The following FSBP variants were observed in gnomAD, a reference collection of about 807,000 sequenced individuals.
FSBP encodes the protein fibrinogen silencer-binding protein.
Under a neutral mutation model 24.6 loss-of-function variants are expected in FSBP, and 18 were observed. The ratio of observed to expected loss-of-function variants is 0.73; its 90% confidence interval spans 0.51 to 1.08. The LOEUF is 1.08. Among genes scored for constraint, FSBP ranks in the 50% least tolerant of loss-of-function variants. FSBP has a pLI of 0.00. For missense variants in FSBP, 305 were observed against 347.6 expected (o/e 0.88, Z 0.98); for synonymous variants, 110 against 125.8 (o/e 0.87, Z 0.84).
In FSBP at chr8:94,432,388, C is replaced by A. The variant is rs1004566968; in HGVS notation, c.643G>T (p.Asp215Tyr). The A allele has an allele frequency of 5.9e-5, 92 of 1,550,278 alleles. No homozygotes were observed. The highest frequency in any genetic ancestry group is 7.8e-5 in the Non-Finnish European group (89 of 1,146,874). The change falls in exon 2 of 2, where the codon GAT (aspartate) becomes TAT (tyrosine). Residue 215 changes from aspartate (D) to tyrosine (Y), a missense_variant. By Grantham distance (160) the Asp-to-Tyr change is radical. Transcript: ENST00000481490. ...TCACCACTCTCATGCCGAAAAAAAT[C>A]ATCTCTCCTTGGAATAGAAGATGGA... Reference protein sequence around the residue: ...SSPSSIPRRDDFFRHESGEHF... With the variant: ...SSPSSIPRRDYFFRHESGEHF...
Position 94,429,982 on chromosome 8 carries a change from C to T in FSBP, c.*2149G>A. 1.0e-6 allele frequency: 1 copy of T among 985,352 alleles called. No homozygotes were observed. Among genetic ancestry groups the T allele is most frequent in the Non-Finnish European group, 1.2e-6 (1 of 829,932 alleles). The allele number at this position is 985,352 out of a possible 1,614,324, so 61.0% of individuals were successfully genotyped here. ...AATTAGCCCTCTAATTCAAAGCATT[C>T]AATGGCTTCTCATTGTACGTTAAGT... On this transcript the variant is annotated 3_prime_UTR_variant, in exon 2 of 2. Coordinates refer to ENST00000481490, the MANE Select transcript of FSBP (RefSeq NM_001256141.2).
chr8:94,436,569 T>G lies in FSBP; in HGVS notation c.300A>C (p.Pro100=). The change falls in exon 1 of 2, where the codon CCA becomes CCC. Residue 100 remains proline, a synonymous_variant. Transcript: ENST00000481490. The stretch of plus-strand genomic sequence containing the variant: ...GAATCATCTCCATAACTTTCTTGGT[T>G]GGCTCAGAAATATTGCTTTTAAAAT... The part of the protein sequence containing the change: ...QSDFKSNISE[P]TKKVMEMIPQ... The G allele has an allele frequency of 6.4e-7, 1 of 1,550,520 alleles. No homozygotes were observed. Among genetic ancestry groups the G allele is most frequent in the Non-Finnish European group, 8.7e-7 (1 of 1,146,920 alleles).
At position 94,429,318 on chromosome 8, in the gene FSBP, G is replaced by T; in HGVS notation, c.*2813C>A. On this transcript the variant is annotated 3_prime_UTR_variant, in exon 2 of 2. Transcript: ENST00000481490. ...CAAAGGAATTTTCAAGGGCTATTTT[G>T]TATATACATAATTTTTACCTTCCAC... 2.2e-6 allele frequency: 1 copy of T among 447,956 alleles called. No homozygotes were observed. Among genetic ancestry groups the T allele is most frequent in the Non-Finnish European group, 2.9e-6 (1 of 339,208 alleles). The allele number at this position is 447,956 out of a possible 1,614,324, so 27.7% of individuals were successfully genotyped here.
chr8:94,436,922 T>C lies in FSBP; in HGVS notation c.-54A>G. 1 of 1,460,202 alleles carries C rather than the reference T, an allele frequency of 6.8e-7. No homozygotes were observed. The highest frequency in any genetic ancestry group is 9.0e-7 in the Non-Finnish European group (1 of 1,109,214). The allele number at this position is 1,460,202 out of a possible 1,614,324, so 90.5% of individuals were successfully genotyped here. Reference sequence around the variant, plus strand: ...CTGAAACCACCATGCAGCCTTCAGCTCTGCTCAGCTCTTTTCACAAACAGA... The same window carrying C: ...CTGAAACCACCATGCAGCCTTCAGCCCTGCTCAGCTCTTTTCACAAACAGA... On this transcript the variant is annotated 5_prime_UTR_variant, in exon 1 of 2. Coordinates refer to ENST00000481490, the MANE Select transcript of FSBP (RefSeq NM_001256141.2).
chr8:94,431,913 A>T lies in FSBP; in HGVS notation c.*218T>A. On this transcript the variant is annotated 3_prime_UTR_variant, in exon 2 of 2. Transcript: ENST00000481490. ...GTAAGGTCAACAATTAAACTTAGGGAAAAAAAAAAGAAGACAATAAAAACT... is the reference window on the plus strand; with the variant it reads ...GTAAGGTCAACAATTAAACTTAGGGTAAAAAAAAAGAAGACAATAAAAACT... The T allele has an allele frequency of 9.8e-7, 1 of 1,023,630 alleles. No homozygotes were observed. The highest frequency in any genetic ancestry group is 1.2e-6 in the Non-Finnish European group (1 of 820,982). 63.4% of individuals were successfully genotyped at this position (1,023,630 alleles called of 1,614,324 possible).
At position 94,428,686 on chromosome 8, in the gene FSBP, A is replaced by T; in HGVS notation, c.*3445T>A. 1 of 860,886 alleles carries T rather than the reference A, an allele frequency of 1.2e-6. No homozygotes were observed. Among genetic ancestry groups the T allele is most frequent in the Non-Finnish European group, 1.4e-6 (1 of 716,454 alleles). The allele number at this position is 860,886 out of a possible 1,614,324, so 53.3% of individuals were successfully genotyped here. ...TTCTGCCTGAATATTTTCAATCCAC[A>T]GTAGTTCAATCTGCAGATGTGAAAC... is the stretch of plus-strand genomic sequence containing the variant. On this transcript the variant is annotated 3_prime_UTR_variant, in exon 2 of 2. Coordinates refer to ENST00000481490, the MANE Select transcript of FSBP (RefSeq NM_001256141.2).
Position 94,432,072 on chromosome 8 carries a change from C to A in FSBP, c.*59G>T. On this transcript the variant is annotated 3_prime_UTR_variant, in exon 2 of 2. Transcript: ENST00000481490. ...CGTGTATTCTGTTTCAGGATATTCC[C>A]AAATTAAAGTAATTTGGCCAAAATC... is the stretch of plus-strand genomic sequence containing the variant. 6.8e-7 allele frequency: 1 copy of A among 1,479,004 alleles called. No individual in the cohort carries two copies. Among genetic ancestry groups the A allele is most frequent in the Non-Finnish European group, 8.9e-7 (1 of 1,118,596 alleles). The allele number at this position is 1,479,004 out of a possible 1,614,324, so 91.6% of individuals were successfully genotyped here.
chr8:94,434,947 T>C (rs1257114304), intron 1 of FSBP, among the ~76,000 whole-genome samples: 1 of 151,650 alleles, frequency 6.6e-6, no homozygotes, highest in Non-Finnish European at 1.5e-5. Flanking sequence ...TGTAACCAGA[T>C]ACTTGTATAT....
rs938181115 is a variant in FSBP, at chr8:94,432,210, A to G, written c.821T>C (p.Leu274Pro). 7.7e-6 allele frequency: 12 copies of G among 1,550,284 alleles called. No homozygotes were observed. The Admixed American group carries it at 2.2e-4, about 28-fold the overall frequency. The change falls in exon 2 of 2, where the codon CTA (leucine) becomes CCA (proline). Residue 274 changes from leucine to proline, a missense_variant. Transcript: ENST00000481490. ...CTCCACTTCAATTTTTGCTCTTAGT[A>G]GCTCTTCCTCTAGCTGCTGCCTTCT... Reference protein sequence around the residue: ...LKRRQQLEEELLRAKIEVEKL... With the variant: ...LKRRQQLEEEPLRAKIEVEKL...
Position 94,432,270 on chromosome 8 carries a change from C to A in FSBP, c.761G>T (p.Gly254Val), listed in dbSNP as rs1405914858. 1.9e-6 allele frequency: 3 copies of A among 1,550,286 alleles called. No homozygotes were observed. In the Admixed American group the frequency reaches 5.9e-5, roughly 30 times the overall value. ...ATCCCTCTTCTCCTGAACATACAAT[C>A]CAAAATTTTTTTGATTTTCTAAAAT... ...QIILENQKNF[G>V]LYVQEKRDGL... is the part of the protein sequence containing the mutation. The change falls in exon 2 of 2, where the codon GGA becomes GTA. Residue 254 changes from glycine to valine, a missense_variant. Gly to Val is a moderately radical substitution (Grantham distance 109). Coordinates refer to ENST00000481490, the MANE Select transcript of FSBP (RefSeq NM_001256141.2).
intron 1 of FSBP, among the ~76,000 whole-genome samples, chr8:94,434,043 GTC>G (rs1336361885): frequency 6.6e-6 from 1 of 151,530 alleles, no homozygotes; most frequent in Non-Finnish European, 1.5e-5. Flanking sequence ...TTTTGTTCTT[GTC>G]TCTGTTTGTG....
intron 1 of FSBP, among the ~76,000 whole-genome samples, chr8:94,434,089 T>C (rs1563655862): frequency 6.6e-6 from 1 of 151,852 alleles, no homozygotes; most frequent in Non-Finnish European, 1.5e-5. Context: ...AAACAATTAA[T>C]TATAAATGTA....
Position 94,436,870 on chromosome 8 carries a change from G to T in FSBP, c.-2C>A, listed in dbSNP as rs767625228. 6.6e-7 allele frequency: 1 copy of T among 1,507,876 alleles called. No homozygotes were observed. The highest frequency in any genetic ancestry group is 1.3e-5 in the South Asian group (1 of 75,466). The allele number at this position is 1,507,876 out of a possible 1,614,324, so 93.4% of individuals were successfully genotyped here. ...GGAAGATCTAGCCTTTCCTACCATT[G>T]TTCTTTTCAAATTAAGTAGGCAGTT... On this transcript the variant is annotated 5_prime_UTR_variant, in exon 1 of 2. Transcript: ENST00000481490.
Position 94,430,172 on chromosome 8 carries a change from G to A in FSBP, c.*1959C>T. The A allele has an allele frequency of 3.4e-6, 2 of 593,970 alleles. No individual in the cohort carries two copies. Among genetic ancestry groups the A allele is most frequent in the Non-Finnish European group, 4.2e-6 (2 of 472,804 alleles). 36.8% of individuals were successfully genotyped at this position (593,970 alleles called of 1,614,324 possible). ...ACTAAAAACACAAAAAATTAGCCAG[G>A]CATGGTGGTGCGCCTGTAGTCCCAG... On this transcript the variant is annotated 3_prime_UTR_variant, in exon 2 of 2. Transcript: ENST00000481490.
chr8:94,432,691 T>A, intron 1 of FSBP, 35 bp from the exon 2 acceptor site: 1 of 1,421,014 alleles, frequency 7.0e-7, no homozygotes, highest in Non-Finnish European at 9.2e-7. Context: ...AATATGTAAA[T>A]CAAATGAAGA....
rs988890627 is a variant in FSBP at position 94,432,521 on chromosome 8, A to C, written c.510T>G (p.Ser170=). Residue 170 remains serine (S), a synonymous_variant, in exon 2 of 2, where the codon TCT becomes TCG. Transcript: ENST00000481490. Reference sequence around the variant, plus strand: ...TTTGCTCTAAAGTATCACTCTGTTGAGAATTTAAAACCAGTGGAGGAGGTG... The same window carrying C: ...TTTGCTCTAAAGTATCACTCTGTTGCGAATTTAAAACCAGTGGAGGAGGTG... ...IKPPPPLVLN[S]QQSDTLEQRE... 1.3e-6 allele frequency: 2 copies of C among 1,550,656 alleles called. No homozygotes were observed. Among genetic ancestry groups the C allele is most frequent in the South Asian group, 1.2e-5 (1 of 84,046 alleles).
intron 1 of FSBP, among the ~76,000 whole-genome samples, chr8:94,436,128 C>A (rs80352287): frequency 4.7e-4 from 72 of 152,006 alleles, no homozygotes; most frequent in African/African-American, 1.6e-3. Flanking sequence ...ATTGAAAATT[C>A]CAGTGAAATG....
At chr8:94,436,397 T>C in intron 1 of FSBP, 98 bp downstream of exon 1, 1 of 1,358,512 alleles carries the variant, frequency 7.4e-7, no homozygotes, top group Non-Finnish European at 9.7e-7. Context: ...GCTCCCGTTG[T>C]GGGGATGCTT....
intron 1 of FSBP, among the ~76,000 whole-genome samples, chr8:94,435,907 TTTAG>T (rs1812244759): frequency 6.6e-6 from 1 of 152,142 alleles, no homozygotes; most frequent in African/African-American, 2.4e-5. Context: ...ATTAACTCCC[TTTAG>T]TTGTGTTCAT....
Sources: gnomAD v4.1 joint callset for allele counts (sites outside exome capture counted in the v4.1 genomes callset) on GRCh38, gnomAD v4.1.1 for gene constraint, MANE v1.5 for transcripts, NCBI Gene and HGNC (gene_info 2026-07-23, HGNC 2026-07-21) for gene names.